The following TMEM163 variants were observed in gnomAD, a reference collection of about 807,000 sequenced individuals.
The protein encoded by TMEM163 is transmembrane protein 163.
TMEM163 carries 17 observed loss-of-function variants against 29.3 expected under a neutral mutation model. The ratio of observed to expected loss-of-function variants is 0.58; its 90% CI spans 0.40 to 0.87. TMEM163 has a LOEUF of 0.87. Among genes scored for constraint, TMEM163 ranks in the 40% least tolerant of loss-of-function variants. The pLI is 0.00. For missense variants in TMEM163, 303 were observed against 381.5 expected (o/e 0.79, Z 1.71); for synonymous variants, 157 against 160.6 (o/e 0.98, Z 0.17).
chr2:134,625,749 CA>C (rs1285060596), intron 2 of TMEM163, among the ~76,000 whole-genome samples: 1 of 152,176 alleles, frequency 6.6e-6, no homozygotes, highest in Non-Finnish European at 1.5e-5. Flanking sequence ...CGACACAGGA[CA>C]AAATTAAGCC....
intron 2 of TMEM163, among the ~76,000 whole-genome samples, chr2:134,638,479 G>C (rs988037801): frequency 1.2e-4 from 19 of 152,176 alleles, no homozygotes; most frequent in Non-Finnish European, 2.5e-4. Context: ...GTGTTATGGT[G>C]GGAAATCTGG....
chr2:134,458,747 A>C (rs1558908929), intron 6 of TMEM163: 1 of 152,722 alleles, frequency 6.5e-6, no homozygotes, highest in Non-Finnish European at 1.5e-5. Flanking sequence ...TTCTATCCCA[A>C]CCTGCATCCT....
chr2:134,511,688 G>C (rs1679953409), intron 4 of TMEM163, among the ~76,000 whole-genome samples: 1 of 152,226 alleles, frequency 6.6e-6, no homozygotes, highest in Non-Finnish European at 1.5e-5. Context: ...AGGGAATAAG[G>C]GAACCAGTGG....
intron 3 of TMEM163, among the ~76,000 whole-genome samples, chr2:134,551,652 T>C (rs1680927824): frequency 6.6e-6 from 1 of 152,188 alleles, no homozygotes; most frequent in African/African-American, 2.4e-5. Flanking sequence ...AGGTTACCCC[T>C]AGCTGGCTAC....
At chr2:134,652,483 A>G (rs1399626252) in intron 2 of TMEM163, among the ~76,000 whole-genome samples, 1 of 101,286 alleles carries the variant, frequency 9.9e-6, no homozygotes, top group Non-Finnish European at 1.9e-5. Context: ...CAATCATGTC[A>G]TCTGCAAACA....
rs531360907 is a variant in TMEM163 at position 134,456,687 on chromosome 2, C to T, written c.*29G>A. 9 of 1,613,246 alleles carry T rather than the reference C, an allele frequency of 5.6e-6. No homozygotes were observed. The highest frequency in any genetic ancestry group is 7.6e-6 in the Non-Finnish European group (9 of 1,179,602). ...TTGCCTATGTGGAAACTCCTCATCT[C>T]GATGGTCTCATGCGGATGCTGGCCC... On this transcript the variant is annotated 3_prime_UTR_variant, in exon 8 of 8. Transcript: ENST00000281924.
chr2:134,661,699 C>T (rs1574319917), intron 2 of TMEM163, among the ~76,000 whole-genome samples: 2 of 152,106 alleles, frequency 1.3e-5, no homozygotes, highest in South Asian at 4.1e-4. Context: ...TCATTTTAAC[C>T]TTTTTCTTCC....
chr2:134,615,356 T>C (rs1278560169), intron 2 of TMEM163, among the ~76,000 whole-genome samples: 2 of 152,206 alleles, frequency 1.3e-5, no homozygotes, highest in African/African-American at 2.4e-5. Flanking sequence ...AAATAGTTTA[T>C]GTGGACAATG....
chr2:134,680,426 T>C lies in TMEM163; in HGVS notation c.322+32774A>G, dbSNP rs1024869743. Among the ~76,000 whole-genome samples the C allele has an allele frequency of 2.0e-5, 3 of 151,526 alleles. No individual in the cohort carries two copies. In the East Asian group the frequency reaches 5.8e-4, roughly 29 times the overall value. ...GAGATCGCACCACTGTACTCCAACC[T>C]GGGCTACAGAGCTAGACCCTGTCTC... is the stretch of plus-strand genomic sequence containing the variant. On this transcript the variant is annotated intron_variant, in intron 2 of 7. Transcript: ENST00000281924.
intron 2 of TMEM163, among the ~76,000 whole-genome samples, chr2:134,708,162 T>A (rs1203625965): frequency 6.6e-6 from 1 of 152,158 alleles, no homozygotes; most frequent in Non-Finnish European, 1.5e-5. Context: ...GCTGGGATTA[T>A]AGGCATGAGC....
At chr2:134,520,649 A>T (rs1015423173) in intron 4 of TMEM163, among the ~76,000 whole-genome samples, 1 of 152,242 alleles carries the variant, frequency 6.6e-6, no homozygotes, top group Non-Finnish European at 1.5e-5. Flanking sequence ...TCTTCCTATG[A>T]CAGGGTCTAT....
chr2:134,511,373 G>GC (rs1414433942), intron 4 of TMEM163, among the ~76,000 whole-genome samples: 2 of 152,206 alleles, frequency 1.3e-5, no homozygotes, highest in African/African-American at 4.8e-5. Flanking sequence ...CAGGGGCCTT[G>GC]CCATTACCAC....
At chr2:134,641,281 T>A (rs187814356) in intron 2 of TMEM163, among the ~76,000 whole-genome samples, 130 of 152,232 alleles carry the variant, frequency 8.5e-4, no homozygotes, top group African/African-American at 3.0e-3. Flanking sequence ...AACTGAATAG[T>A]CGACTGTAAG....
intron 4 of TMEM163, among the ~76,000 whole-genome samples, chr2:134,541,539 CTAACCTTAAGGCATTGGAAA>C (rs1487051141): frequency 6.6e-6 from 1 of 152,166 alleles, no homozygotes; most frequent in African/African-American, 2.4e-5. Context: ...TGGATTTTTT[CTAACCTTAAGGCATTGGAAA>C]TAACCCATGT....
chr2:134,498,051 G>C (rs1269166849), intron 5 of TMEM163, among the ~76,000 whole-genome samples: 1 of 152,146 alleles, frequency 6.6e-6, no homozygotes, highest in Non-Finnish European at 1.5e-5. Flanking sequence ...CTCTACTGCC[G>C]ATTCTCCTAA....
intron 5 of TMEM163, among the ~76,000 whole-genome samples, chr2:134,484,804 G>C (rs989611638): frequency 3.3e-5 from 5 of 152,300 alleles, no homozygotes; most frequent in African/African-American, 1.2e-4. Flanking sequence ...GGGTCAACCA[G>C]AGTAGGAAGT....
chr2:134,535,728 TG>T lies in TMEM163; in HGVS notation c.458+14841del, dbSNP rs1282503603. On this transcript the variant is annotated intron_variant, in intron 4 of 7. Coordinates refer to ENST00000281924, the MANE Select transcript of TMEM163 (RefSeq NM_030923.5). ...TACTTATTTGTATGGTTTTTTTTTTTGTTTGTTTGTTTTTTTTGAGGCCGAG... is the reference window on the plus strand; with the variant it reads ...TACTTATTTGTATGGTTTTTTTTTTTTTTGTTTGTTTTTTTTGAGGCCGAG... Among the ~76,000 whole-genome samples the T allele has an allele frequency of 5.3e-4, 70 of 131,062 alleles. 1 individual carries two copies. Among genetic ancestry groups the T allele is most frequent in the African/African-American group, 2.3e-3 (65 of 28,356 alleles). 86.0% of individuals were successfully genotyped at this position (131,062 alleles called of 152,430 possible).
intron 4 of TMEM163, among the ~76,000 whole-genome samples, chr2:134,505,510 G>A (rs56131490): frequency 0.11 from 16,771 of 152,068 alleles, 1,181 homozygotes; most frequent in South Asian, 0.2. Flanking sequence ...GGGGTCTCGT[G>A]GGACCTAATA....
At chr2:134,614,281 T>C (rs1175355042) in intron 2 of TMEM163, among the ~76,000 whole-genome samples, 4 of 152,108 alleles carry the variant, frequency 2.6e-5, no homozygotes, top group Non-Finnish European at 5.9e-5. Flanking sequence ...GCAAAAAGAA[T>C]AGGGAACCAC....
Sources: gnomAD v4.1 joint callset for allele counts (sites outside exome capture counted in the v4.1 genomes callset) on GRCh38, gnomAD v4.1.1 for gene constraint, MANE v1.5 for transcripts, NCBI Gene and HGNC (gene_info 2026-07-23, HGNC 2026-07-21) for gene names.